Variants in ODR4 observed in about 807,000 individuals in gnomAD.
ODR4 encodes protein odr-4 homolog.
ODR4 carries 47 observed loss-of-function variants against 60.2 expected under a neutral mutation model. The observed-to-expected ratio is 0.78, with a 90% confidence interval of 0.62 to 1.00. The LOEUF (loss-of-function observed/expected upper bound fraction) is 1.00. Ranked by LOEUF, ODR4 falls within the 50% of genes least tolerant of loss-of-function variation. ODR4 has a pLI of 0.00. For missense variants in ODR4, 488 were observed against 530.8 expected (o/e 0.92, Z 0.79); for synonymous variants, 178 against 175.5 (o/e 1.01, Z -0.11).
At chr1:186,404,318 C>T (rs1661094547) in intron 11 of ODR4, among the ~76,000 whole-genome samples, 1 of 152,144 alleles carries the variant, frequency 6.6e-6, no homozygotes, top group Non-Finnish European at 1.5e-5. Context: ...TACTAAATTG[C>T]TAATTTAACT....
intron 9 of ODR4, 77 bp from the exon 10 acceptor site, chr1:186,398,236 C>T (rs1660774714): frequency 2.0e-5 from 26 of 1,285,152 alleles, no homozygotes; most frequent in Non-Finnish European, 2.7e-5. Flanking sequence ...TTCATAAAAT[C>T]GCTAATATAA....
Position 186,421,312 on chromosome 1 carries a change from TGAA to T in ODR4, c.*2238_*2240del, listed in dbSNP as rs1393634052. On this transcript the variant is annotated 3_prime_UTR_variant, in exon 14 of 14. Transcript: ENST00000287859. Reference sequence around the variant, plus strand: ...TGTTGTTTGTATAAAACAATTATAATGAAGTGTTTATAAGAAATTGTAAACAAA... The same window carrying T: ...TGTTGTTTGTATAAAACAATTATAATGTGTTTATAAGAAATTGTAAACAAA... 1 of 152,194 alleles carries T rather than the reference TGAA, an allele frequency of 6.6e-6. No individual in the cohort carries two copies. The highest frequency in any genetic ancestry group is 2.4e-5 in the African/African-American group (1 of 41,450). 9.4% of individuals were successfully genotyped at this position (152,194 alleles called of 1,614,324 possible).
rs548039227 is a variant in ODR4 at position 186,392,322 on chromosome 1, G to A, written c.711+531G>A. On this transcript the variant is annotated intron_variant, in intron 8 of 13. Coordinates refer to ENST00000287859, the MANE Select transcript of ODR4 (RefSeq NM_017847.6). Reference sequence around the variant, plus strand: ...GGAATATAAATTGTTTTATTGTAAAGACACATGCATGCATTATGTTCATTG... The same window carrying A: ...GGAATATAAATTGTTTTATTGTAAAAACACATGCATGCATTATGTTCATTG... Among the ~76,000 whole-genome samples the A allele has an allele frequency of 9.9e-5, 15 of 152,242 alleles. No homozygotes were observed. In the East Asian group the frequency reaches 2.9e-3, roughly 29 times the overall value.
chr1:186,411,244 C>G (rs1661372342), intron 12 of ODR4, among the ~76,000 whole-genome samples: 1 of 152,004 alleles, frequency 6.6e-6, no homozygotes, highest in Non-Finnish European at 1.5e-5. Flanking sequence ...TTAAAAAAAT[C>G]TGAAATCTGA....
chr1:186,411,859 A>G lies in ODR4; in HGVS notation c.1186+5591A>G, dbSNP rs370241442. The G allele has an allele frequency of 2.5e-5, 24 of 978,226 alleles. No homozygotes were observed. The South Asian group carries it at 3.3e-4, about 13-fold the overall frequency. The allele number at this position is 978,226 out of a possible 1,614,324, so 60.6% of individuals were successfully genotyped here. A position where few individuals can be genotyped will look rare whatever the true frequency, so the allele number is the denominator to read the frequency against. ...GTAGGAAGAGTTTAATATTACAAGA[A>G]CAAAGGAAGCAAAACAGCAATTTGG... On this transcript the variant is annotated intron_variant, in intron 12 of 13. Coordinates refer to ENST00000287859, the MANE Select transcript of ODR4 (RefSeq NM_017847.6).
At chr1:186,382,803 C>A (rs553242076) in intron 2 of ODR4, among the ~76,000 whole-genome samples, 14 of 152,288 alleles carry the variant, frequency 9.2e-5, no homozygotes, top group Non-Finnish European at 1.8e-4. Flanking sequence ...ATATTAAATA[C>A]ATTAAAAGAT....
intron 11 of ODR4, chr1:186,400,838 A>G (rs1488334190): frequency 1.4e-5 from 6 of 420,740 alleles, no homozygotes; most frequent in South Asian, 1.2e-4. Flanking sequence ...TGAATCTTAC[A>G]TGCAACAATT....
intron 11 of ODR4, among the ~76,000 whole-genome samples, chr1:186,399,450 C>G (rs764208515): frequency 5.9e-5 from 9 of 152,136 alleles, no homozygotes; most frequent in Non-Finnish European, 1.2e-4. Flanking sequence ...CTCAAGTGAT[C>G]CACTGTCTTT....
intron 2 of ODR4, among the ~76,000 whole-genome samples, chr1:186,382,145 C>T (rs577804795): frequency 6.6e-6 from 1 of 151,578 alleles, no homozygotes; most frequent in East Asian, 1.9e-4. Context: ...GTGGCTCATG[C>T]CTGTAATCCC....
Position 186,406,089 on chromosome 1 carries a change from A to T in ODR4, c.1007A>T (p.Glu336Val), listed in dbSNP as rs754802275. The stretch of plus-strand genomic sequence containing the variant: ...ATATTTCTTTTCCTTTTAGATTCTG[A>T]AAAAGAGTTCCACGTCCTCCCTTAT... Reference protein sequence around the residue: ...LNEIPEKKDSEKEFHVLPYRV... With the variant: ...LNEIPEKKDSVKEFHVLPYRV... Residue 336 changes from glutamate (E) to valine (V), a missense_variant, in exon 12 of 14, where the codon GAA (glutamate) becomes GTA (valine). Coordinates refer to ENST00000287859, the MANE Select transcript of ODR4 (RefSeq NM_017847.6). The T allele has an allele frequency of 6.4e-7, 1 of 1,556,670 alleles. No individual in the cohort carries two copies. Among genetic ancestry groups the T allele is most frequent in the East Asian group, 2.3e-5 (1 of 43,162 alleles).
chr1:186,379,655 G>T (rs1207065079), intron 1 of ODR4, 112 bp from the exon 2 acceptor site: 1 of 572,970 alleles, frequency 1.7e-6, no homozygotes, highest in African/African-American at 1.9e-5. Flanking sequence ...TTGCTGCAAG[G>T]CATGAGATAG....
intron 11 of ODR4, chr1:186,400,957 T>C: frequency 7.6e-7 from 1 of 1,319,028 alleles, no homozygotes; most frequent in Non-Finnish European, 1.0e-6. Context: ...TTTGAGTTTG[T>C]GGTAACTCCT....
intron 12 of ODR4, among the ~76,000 whole-genome samples, chr1:186,413,948 T>A (rs1474509688): frequency 6.6e-6 from 1 of 152,200 alleles, no homozygotes; most frequent in East Asian, 1.9e-4. Flanking sequence ...AGAATACTCT[T>A]AACATGATCA....
intron 2 of ODR4, among the ~76,000 whole-genome samples, chr1:186,381,412 C>T (rs1021229570): frequency 2.6e-5 from 4 of 151,878 alleles, no homozygotes; most frequent in Non-Finnish European, 5.9e-5. Context: ...CTGCAGGCTC[C>T]GCCCCCTGGG....
At chr1:186,392,694 T>A (rs534252654) in intron 8 of ODR4, among the ~76,000 whole-genome samples, 2 of 150,852 alleles carry the variant, frequency 1.3e-5, no homozygotes, top group South Asian at 4.2e-4. Context: ...GGCAGGTGCC[T>A]GTAATTGCAG....
intron 9 of ODR4, among the ~76,000 whole-genome samples, chr1:186,394,439 G>A (rs1311661182): frequency 1.3e-5 from 2 of 152,028 alleles, no homozygotes; most frequent in Non-Finnish European, 2.9e-5. Context: ...AAATCACAAA[G>A]TATTAATTAG....
intron 1 of ODR4, among the ~76,000 whole-genome samples, chr1:186,379,300 G>C (rs914234245): frequency 1.3e-5 from 2 of 151,772 alleles, no homozygotes; most frequent in African/African-American, 2.4e-5. Flanking sequence ...AAAATTAGCC[G>C]GGCATGGTCG....
At chr1:186,389,837 G>C (rs1660392410) in intron 6 of ODR4, among the ~76,000 whole-genome samples, 1 of 152,206 alleles carries the variant, frequency 6.6e-6, no homozygotes, top group Non-Finnish European at 1.5e-5. Context: ...GCCCAAGCTA[G>C]AGTGCAGTGA....
intron 9 of ODR4, among the ~76,000 whole-genome samples, chr1:186,395,791 T>C (rs1454803398): frequency 6.6e-6 from 1 of 152,218 alleles, no homozygotes; most frequent in East Asian, 1.9e-4. Flanking sequence ...AATCATAGTT[T>C]ATGTTCAGTT....
Sources: allele counts gnomAD v4.1 joint callset (sites outside exome capture counted in the v4.1 genomes callset), GRCh38; gene constraint gnomAD v4.1.1; transcripts MANE v1.5; gene names NCBI Gene and HGNC (gene_info 2026-07-23, HGNC 2026-07-21).